Variants in ASXL3 observed in about 807,000 individuals in gnomAD.
ASXL3 encodes the protein ASXL transcriptional regulator 3.
Under a neutral mutation model 170.6 loss-of-function variants are expected in ASXL3, and 34 were observed. The observed-to-expected ratio is 0.20, with a 90% CI of 0.15 to 0.27. The LOEUF (loss-of-function observed/expected upper bound fraction) is 0.27. ASXL3 is among the 10% of genes least tolerant of loss of function. The pLI is 1.00. For synonymous variants in ASXL3, 1,002 were observed against 989.1 expected (o/e 1.01, Z -0.24); for missense variants, 2,592 against 2,695.3 (o/e 0.96, Z 0.85).
At position 33,721,410 on chromosome 18, in the gene ASXL3, A is replaced by C. The variant is rs111777374; in HGVS notation, c.880-10558A>C. Among the ~76,000 whole-genome samples the C allele has an allele frequency of 7.4e-4, 113 of 152,254 alleles. 1 individual carries two copies. The highest frequency in any genetic ancestry group is 2.3e-3 in the African/African-American group (96 of 41,558). ...CACACATATATATATGTATGTATGT[A>C]TATAGATAATTGCATAAATGTGTAT... On this transcript the variant is annotated intron_variant, in intron 8 of 11. Transcript: ENST00000269197.
At chr18:33,590,445 G>A (rs187181384) in intron 1 of ASXL3, among the ~76,000 whole-genome samples, 3 of 152,068 alleles carry the variant, frequency 2.0e-5, no homozygotes, top group Admixed American at 2.0e-4. Context: ...TTACAAAAAA[G>A]CACCAATAAA....
chr18:33,611,400 A>G (rs888965577), intron 2 of ASXL3, among the ~76,000 whole-genome samples: 1 of 152,010 alleles, frequency 6.6e-6, no homozygotes, highest in Non-Finnish European at 1.5e-5. Flanking sequence ...CCCTCTGTAT[A>G]ATAGGGTAGA....
chr18:33,615,354 A>G (rs1258945231), intron 2 of ASXL3, among the ~76,000 whole-genome samples: 1 of 152,136 alleles, frequency 6.6e-6, no homozygotes, highest in African/African-American at 2.4e-5. Context: ...GCCTTCATAG[A>G]ATTTTGACCA....
chr18:33,633,059 C>T (rs1326111724), intron 2 of ASXL3, among the ~76,000 whole-genome samples: 1 of 152,214 alleles, frequency 6.6e-6, no homozygotes, highest in East Asian at 1.9e-4. Flanking sequence ...ATTTGTGCTT[C>T]CCTTGTGCTG....
chr18:33,673,081 A>C (rs1386239034), intron 7 of ASXL3, among the ~76,000 whole-genome samples: 1 of 152,194 alleles, frequency 6.6e-6, no homozygotes, highest in Non-Finnish European at 1.5e-5. Flanking sequence ...GGGTGTTGTA[A>C]GTATTTTAAT....
Position 33,743,034 on chromosome 18 carries a change from A to G in ASXL3, c.3186A>G (p.Gln1062=), listed in dbSNP as rs1312035534. ...TCGCAGATATCAAGGCCCGGGCCCA[A>G]CAAGCTCGGGCCCAGCGAGAGGCTG... ...RTLADIKARA[Q]QARAQREAAA... The change falls in exon 12 of 12, where the codon CAA becomes CAG. Residue 1062 remains glutamine (Q), a synonymous_variant. Coordinates refer to ENST00000269197, the MANE Select transcript of ASXL3 (RefSeq NM_030632.3). 6 of 1,613,724 alleles carry G rather than the reference A, an allele frequency of 3.7e-6. No individual in the cohort carries two copies. The highest frequency in any genetic ancestry group is 4.5e-5 in the East Asian group (2 of 44,882).
chr18:33,669,000 T>A (rs918199110), intron 5 of ASXL3, among the ~76,000 whole-genome samples: 1 of 152,140 alleles, frequency 6.6e-6, no homozygotes, highest in Non-Finnish European at 1.5e-5. Context: ...TAAAAATTGA[T>A]CACTCTTTAT....
chr18:33,646,891 G>GA lies in ASXL3; in HGVS notation c.355+538_355+539insA, dbSNP rs200591360. 1.7e-3 allele frequency among the ~76,000 whole-genome samples: 222 copies of GA among 132,318 alleles called. 1 individual carries two copies. The highest frequency in any genetic ancestry group is 4.4e-3 in the Middle Eastern group (1 of 226). The allele number at this position is 132,318 out of a possible 152,430, so 86.8% of individuals were successfully genotyped here. On this transcript the variant is annotated intron_variant, in intron 4 of 11. Transcript: ENST00000269197. ...ATTTTAAGGGGGAGCGGGGGGGGGG[G>GA]GCATTTTTCACCTCTGAATTTTATA...
At chr18:33,727,522 A>G (rs1405597267) in intron 8 of ASXL3, among the ~76,000 whole-genome samples, 2 of 152,174 alleles carry the variant, frequency 1.3e-5, no homozygotes, top group East Asian at 1.9e-4. Context: ...AAGTATCTCT[A>G]TGTGAGTAAG....
rs2066545684 is a variant in ASXL3, at chr18:33,683,448, C to T, written c.759C>T (p.Thr253=). The change falls in exon 8 of 12, where the codon ACC becomes ACT. Residue 253 remains threonine (T), a synonymous_variant. Coordinates refer to ENST00000269197, the MANE Select transcript of ASXL3 (RefSeq NM_030632.3). ...WTKAEDIDIE[T]PGSILVNTNL... ...AAGCTGAGGACATTGACATAGAAAC[C>T]CCAGGATCTATTCTTGTCAACACTA... 6.2e-7 allele frequency: 1 copy of T among 1,613,316 alleles called. No homozygotes were observed. The highest frequency in any genetic ancestry group is 1.7e-5 in the Admixed American group (1 of 59,958).
chr18:33,716,277 T>G (rs2145361527), intron 8 of ASXL3, among the ~76,000 whole-genome samples: 1 of 152,344 alleles, frequency 6.6e-6, no homozygotes, highest in African/African-American at 2.4e-5. Context: ...GAGAGCAGTG[T>G]TCTGAGCTTT....
At chr18:33,691,611 G>A (rs2066687422) in intron 8 of ASXL3, among the ~76,000 whole-genome samples, 1 of 152,190 alleles carries the variant, frequency 6.6e-6, no homozygotes, top group African/African-American at 2.4e-5. Flanking sequence ...ATAAGTTACA[G>A]TTCCTATCCT....
chr18:33,609,033 T>C, intron 2 of ASXL3: 1 of 985,084 alleles, frequency 1.0e-6, no homozygotes, highest in Non-Finnish European at 1.2e-6. Context: ...GCTGTGTTTG[T>C]GCTAGTTGTT....
At chr18:33,612,924 C>T (rs1304462518) in intron 2 of ASXL3, among the ~76,000 whole-genome samples, 2 of 152,038 alleles carry the variant, frequency 1.3e-5, no homozygotes, top group Non-Finnish European at 2.9e-5. Context: ...TTTAGAATTA[C>T]AGTGTTAGCT....
At position 33,646,241 on chromosome 18, in the gene ASXL3, A is replaced by T; in HGVS notation, c.247-4A>T. The T allele has an allele frequency of 6.2e-7, 1 of 1,607,820 alleles. No individual in the cohort carries two copies. The highest frequency in any genetic ancestry group is 8.5e-7 in the Non-Finnish European group (1 of 1,176,098). ...ATAAATCATCACTTTTCAAAATAAT[A>T]CAGAAAGAGGAGTCGTCATGCCCAG... On this transcript the variant is annotated splice_region_variant and splice_polypyrimidine_tract_variant and intron_variant, in intron 3 of 11. Transcript: ENST00000269197.
intron 2 of ASXL3, among the ~76,000 whole-genome samples, chr18:33,632,247 T>A (rs1386461251): frequency 3.3e-5 from 5 of 152,088 alleles, no homozygotes; most frequent in African/African-American, 1.2e-4. Flanking sequence ...TCTTATAGGA[T>A]TTTTTTCCTT....
intron 2 of ASXL3, among the ~76,000 whole-genome samples, chr18:33,641,201 A>G (rs916995872): frequency 2.0e-5 from 3 of 152,072 alleles, no homozygotes; most frequent in Admixed American, 2.0e-4. Context: ...TCCGTCAGCA[A>G]TTTGATAATA....
chr18:33,731,639 A>T (rs2000673), intron 8 of ASXL3, among the ~76,000 whole-genome samples: 7,958 of 152,126 alleles, frequency 0.052, 680 homozygotes, highest in African/African-American at 0.18. Flanking sequence ...AAATTCACTC[A>T]CCAACTACAT....
intron 8 of ASXL3, among the ~76,000 whole-genome samples, chr18:33,701,857 T>C (rs2066879918): frequency 6.6e-6 from 1 of 152,220 alleles, no homozygotes; most frequent in South Asian, 2.1e-4. Flanking sequence ...GTAGTACTTG[T>C]GCGCCACATA....
Sources: allele counts gnomAD v4.1 joint callset (sites outside exome capture counted in the v4.1 genomes callset), GRCh38; gene constraint gnomAD v4.1.1; transcripts MANE v1.5; gene names NCBI Gene and HGNC (gene_info 2026-07-23, HGNC 2026-07-21).